ANTXR2: variants seen among roughly 807,000 people sequenced by gnomAD.
ANTXR2 encodes anthrax toxin receptor 2.
A neutral mutation model predicts 73.7 loss-of-function variants in ANTXR2; 44 were observed. The observed-to-expected ratio is 0.60, with a 90% CI of 0.47 to 0.77. The LOEUF (loss-of-function observed/expected upper bound fraction) is 0.77. Ranked by LOEUF, ANTXR2 falls within the 30% of genes least tolerant of loss-of-function variation. The probability of loss-of-function intolerance (pLI) is 0.00; values close to 1 mark genes in which losing one functional copy is unlikely to be tolerated. For missense variants in ANTXR2, 604 were observed against 592.5 expected, an observed-to-expected ratio of 1.02 and a Z score of -0.20; for synonymous variants, 217 against 205.9, an observed-to-expected ratio of 1.05 and a Z score of -0.46.
rs1006649947 is a variant in ANTXR2, at chr4:80,072,781, C to G, written c.-221G>C. On this transcript the variant is annotated 5_prime_UTR_variant, in exon 1 of 17. Coordinates refer to ENST00000403729, the MANE Select transcript of ANTXR2 (RefSeq NM_058172.6). ...TCTCCGCCACCGCCGCAGCTGCCGCCGGAACTCTTGACGAATCCCAGTGGA... is the reference window on the plus strand; with the variant it reads ...TCTCCGCCACCGCCGCAGCTGCCGCGGGAACTCTTGACGAATCCCAGTGGA... 1.7e-5 allele frequency: 21 copies of G among 1,213,044 alleles called. No homozygotes were observed. The highest frequency in any genetic ancestry group is 8.6e-5 in the Admixed American group (2 of 23,332). The allele number at this position is 1,213,044 out of a possible 1,614,324, so 75.1% of individuals were successfully genotyped here.
At chr4:79,925,819 T>C (rs532423401) in intron 16 of ANTXR2, among the ~76,000 whole-genome samples, 1 of 152,242 alleles carries the variant, frequency 6.6e-6, no homozygotes, top group East Asian at 1.9e-4. Flanking sequence ...AGGTGGTGTC[T>C]ATGAACAAGT....
chr4:79,945,435 A>T (rs1214949630), intron 16 of ANTXR2, among the ~76,000 whole-genome samples: 1 of 152,146 alleles, frequency 6.6e-6, no homozygotes, highest in Non-Finnish European at 1.5e-5. Context: ...AATGGCTAAA[A>T]TAGTTCTTAT....
chr4:79,994,501 A>G (rs1326739424), intron 12 of ANTXR2, among the ~76,000 whole-genome samples: 1 of 151,916 alleles, frequency 6.6e-6, no homozygotes, highest in Admixed American at 6.6e-5. Flanking sequence ...CATCGTGAGG[A>G]CTTCAAATTT....
Position 80,055,477 on chromosome 4 carries a change from A to G in ANTXR2, c.379-10T>C. 1 of 1,592,308 alleles carries G rather than the reference A, an allele frequency of 6.3e-7. No homozygotes were observed. ...GAATTTGTTCATTCGCCTGAAAATG[A>G]AGAATAATTATCCAACTCACAATTT... On this transcript the variant is annotated splice_polypyrimidine_tract_variant and intron_variant, in intron 4 of 16. Transcript: ENST00000403729.
intron 7 of ANTXR2, among the ~76,000 whole-genome samples, chr4:80,052,551 G>A (rs1204290280): frequency 1.3e-5 from 2 of 151,574 alleles, no homozygotes; most frequent in Non-Finnish European, 1.5e-5. Flanking sequence ...TCCCCAAAAG[G>A]TGACTTTCCT....
At chr4:80,029,417 G>A (rs979089213) in intron 10 of ANTXR2, among the ~76,000 whole-genome samples, 1 of 151,782 alleles carries the variant, frequency 6.6e-6, no homozygotes, top group African/African-American at 2.4e-5. Flanking sequence ...ACAAGTACCT[G>A]ATCCCACCAA....
rs1022153271 is a variant in ANTXR2 at position 79,903,708 on chromosome 4, G to C, written c.*3721C>G. 1.3e-5 allele frequency: 2 copies of C among 152,132 alleles called. No individual in the cohort carries two copies. Among genetic ancestry groups the C allele is most frequent in the African/African-American group, 2.4e-5 (1 of 41,440 alleles). 9.4% of individuals were successfully genotyped at this position (152,132 alleles called of 1,614,324 possible). A position where few individuals can be genotyped will look rare whatever the true frequency, so the allele number is the denominator to read the frequency against. Reference sequence around the variant, plus strand: ...CTAAACTAGAATATGCGTCTGCACTGACTTTATTTCCTACAAATAGACAAC... The same window carrying C: ...CTAAACTAGAATATGCGTCTGCACTCACTTTATTTCCTACAAATAGACAAC... On this transcript the variant is annotated 3_prime_UTR_variant, in exon 17 of 17. Coordinates refer to ENST00000403729, the MANE Select transcript of ANTXR2 (RefSeq NM_058172.6).
chr4:79,902,692 T>C lies in ANTXR2; in HGVS notation c.*4737A>G, dbSNP rs1352938091. ...TAAGAAATTAACTAAGAAATTATTATGGCTAATTATCAACATATACTATAG... is the reference window on the plus strand; with the variant it reads ...TAAGAAATTAACTAAGAAATTATTACGGCTAATTATCAACATATACTATAG... On this transcript the variant is annotated 3_prime_UTR_variant, in exon 17 of 17. Coordinates refer to ENST00000403729, the MANE Select transcript of ANTXR2 (RefSeq NM_058172.6). The C allele has an allele frequency of 6.6e-6, 1 of 151,556 alleles. No individual in the cohort carries two copies. The highest frequency in any genetic ancestry group is 1.5e-5 in the Non-Finnish European group (1 of 67,950). The allele number at this position is 151,556 out of a possible 1,614,324, so 9.4% of individuals were successfully genotyped here. A position where few individuals can be genotyped will look rare whatever the true frequency, so the allele number is the denominator to read the frequency against.
chr4:80,056,164 A>C (rs1733985765), intron 3 of ANTXR2, among the ~76,000 whole-genome samples, 151 bp from the exon 4 acceptor site: 2 of 151,942 alleles, frequency 1.3e-5, no homozygotes, highest in South Asian at 4.1e-4. Flanking sequence ...AACTTCATAT[A>C]CTTTTTGTAA....
At chr4:79,931,744 A>T (rs1256143128) in intron 16 of ANTXR2, among the ~76,000 whole-genome samples, 1 of 152,182 alleles carries the variant, frequency 6.6e-6, no homozygotes, top group African/African-American at 2.4e-5. Flanking sequence ...TTCTCAAGCA[A>T]ATGAGCATAT....
chr4:80,054,197 T>C (rs1317215375), intron 7 of ANTXR2, 75 bp downstream of exon 7: 1 of 1,170,298 alleles, frequency 8.5e-7, no homozygotes, highest in African/African-American at 1.6e-5. Flanking sequence ...CTGCACTGGA[T>C]ATTAAGATTA....
At chr4:80,043,409 T>G (rs1411346140) in intron 7 of ANTXR2, among the ~76,000 whole-genome samples, 1 of 152,032 alleles carries the variant, frequency 6.6e-6, no homozygotes, top group Non-Finnish European at 1.5e-5. Context: ...GTAAAAAGTC[T>G]GTCATGTATT....
chr4:80,071,277 A>T (rs940243183), intron 2 of ANTXR2, among the ~76,000 whole-genome samples: 14 of 152,190 alleles, frequency 9.2e-5, no homozygotes, highest in African/African-American at 3.4e-4. Flanking sequence ...TATTTTTTTA[A>T]TGTGATAAAT....
At chr4:80,019,297 G>A (rs1732042087) in intron 10 of ANTXR2, among the ~76,000 whole-genome samples, 1 of 152,160 alleles carries the variant, frequency 6.6e-6, no homozygotes, top group Non-Finnish European at 1.5e-5. Context: ...AACCTGGGAG[G>A]CGGAGGTTGC....
chr4:79,975,780 T>C (rs551126727), intron 16 of ANTXR2, among the ~76,000 whole-genome samples: 517 of 152,324 alleles, frequency 3.4e-3, no homozygotes, highest in African/African-American at 0.012. Flanking sequence ...AATGTCATTA[T>C]GAAGAACCAC....
At chr4:79,911,470 T>C (rs969453763) in intron 16 of ANTXR2, among the ~76,000 whole-genome samples, 4 of 151,852 alleles carry the variant, frequency 2.6e-5, no homozygotes, top group Non-Finnish European at 4.4e-5. Context: ...AGAATACATA[T>C]AGACCTATAT....
intron 16 of ANTXR2, among the ~76,000 whole-genome samples, chr4:79,921,008 CA>C (rs1267894750): frequency 6.6e-6 from 1 of 151,996 alleles, no homozygotes; most frequent in East Asian, 1.9e-4. Flanking sequence ...AAATGAAAGG[CA>C]TATTACATCA....
chr4:79,976,319 A>C (rs1453426598), intron 16 of ANTXR2, among the ~76,000 whole-genome samples: 1 of 152,166 alleles, frequency 6.6e-6, no homozygotes, highest in Non-Finnish European at 1.5e-5. Flanking sequence ...AAACAATTCT[A>C]ATGAGGTAGG....
At chr4:80,071,692 A>G in intron 1 of ANTXR2, 38 bp from the exon 2 acceptor site, 1 of 1,500,206 alleles carries the variant, frequency 6.7e-7, no homozygotes, top group Non-Finnish European at 9.3e-7. Context: ...GAAACAAAAC[A>G]CGGAACTGAA....
Sources: allele counts gnomAD v4.1 joint callset (sites outside exome capture counted in the v4.1 genomes callset), GRCh38; gene constraint gnomAD v4.1.1; transcripts MANE v1.5; gene names NCBI Gene and HGNC (gene_info 2026-07-23, HGNC 2026-07-21).